Variants in CYP2J2 observed in about 807,000 individuals in gnomAD.
The protein encoded by CYP2J2 is cytochrome P450 family 2 subfamily J member 2.
CYP2J2 carries 41 observed loss-of-function variants against 48.8 expected under a neutral mutation model. That is an observed-to-expected ratio of 0.84 (90% CI 0.66 to 1.09). CYP2J2 has a LOEUF of 1.09. CYP2J2 is among the 50% of genes least tolerant of loss of function. The pLI is 0.00. For missense variants in CYP2J2, 644 were observed against 617.3 expected (o/e 1.04, Z -0.46); for synonymous variants, 221 against 227.1 (o/e 0.97, Z 0.24).
chr1:59,932,060 C>G, the CYP2J2 span, among the ~76,000 whole-genome samples: 2 of 152,032 alleles, frequency 1.3e-5, no homozygotes, highest in Non-Finnish European at 2.9e-5. Flanking sequence ...GTCATCATAA[C>G]TTTTATGTTT....
At chr1:59,939,022 G>A in the CYP2J2 span, among the ~76,000 whole-genome samples, 1 of 152,334 alleles carries the variant, frequency 6.6e-6, no homozygotes, top group South Asian at 2.1e-4. Context: ...CCAGGTTGGG[G>A]CAAAGAGATT....
intron 1 of CYP2J2, among the ~76,000 whole-genome samples, chr1:59,919,530 A>T (rs1405427393): frequency 6.6e-6 from 1 of 152,226 alleles, no homozygotes; most frequent in African/African-American, 2.4e-5. Context: ...ATGTTGTCTC[A>T]CTGTGTATGT....
intron 2 of CYP2J2, 138 bp from the exon 3 acceptor site, chr1:59,912,449 C>G (rs963361949): frequency 2.3e-6 from 2 of 853,438 alleles, no homozygotes; most frequent in East Asian, 5.0e-5. Flanking sequence ...GAAATAATCC[C>G]AAAGCAATGG....
intron 2 of CYP2J2, among the ~76,000 whole-genome samples, chr1:59,913,747 A>G (rs1644439510): frequency 6.6e-6 from 1 of 152,222 alleles, no homozygotes; most frequent in African/African-American, 2.4e-5. Context: ...CTAAAATGCT[A>G]CAAAAGTCCC....
rs1470857076 is a variant in CYP2J2 at position 59,915,808 on chromosome 1, T to G, written c.373+130A>C. 4 of 793,404 alleles carry G rather than the reference T, an allele frequency of 5.0e-6. No homozygotes were observed. The South Asian group carries it at 9.2e-5, about 18-fold the overall frequency. The allele number at this position is 793,404 out of a possible 1,614,324, so 49.1% of individuals were successfully genotyped here. The stretch of plus-strand genomic sequence containing the variant: ...AGGAAATGTGAATATCCAGCTTTCT[T>G]TAGTGGCAGGAAGTTTATTATGGGG... On this transcript the variant is annotated intron_variant, in intron 2 of 8. Coordinates refer to ENST00000371204, the MANE Select transcript of CYP2J2 (RefSeq NM_000775.4).
At chr1:59,953,767 T>C in the CYP2J2 span, among the ~76,000 whole-genome samples, 1 of 151,880 alleles carries the variant, frequency 6.6e-6, no homozygotes, top group Non-Finnish European at 1.5e-5. Context: ...TTCTGAAAAA[T>C]AGCAAGGAGA....
chr1:59,961,728 C>T, the CYP2J2 span, among the ~76,000 whole-genome samples: 1 of 152,060 alleles, frequency 6.6e-6, no homozygotes, highest in Non-Finnish European at 1.5e-5. Flanking sequence ...AATTATCCAT[C>T]CACTAATGTG....
the CYP2J2 span, among the ~76,000 whole-genome samples, chr1:59,934,989 G>GATATATATATATATATATATATATATAC: frequency 5.1e-5 from 3 of 58,390 alleles, no homozygotes; most frequent in Non-Finnish European, 6.9e-5. Context: ...AAGAAAATGG[G>GATATATATATATATATATATATATATAC]ATATATATAT....
the CYP2J2 span, among the ~76,000 whole-genome samples, chr1:59,935,040 A>ATATACATATATATATATATG: frequency 8.2e-6 from 1 of 121,424 alleles, no homozygotes; most frequent in African/African-American, 3.2e-5. Context: ...ATATATATAT[A>ATATACATATATATATATATG]TATATATATA....
chr1:59,940,369 T>C, the CYP2J2 span, among the ~76,000 whole-genome samples: 1 of 152,166 alleles, frequency 6.6e-6, no homozygotes, highest in South Asian at 2.1e-4. Context: ...AGTCATCTGG[T>C]AGCTAAGTCC....
the CYP2J2 span, among the ~76,000 whole-genome samples, chr1:59,935,015 C>CACAT: frequency 4.2e-5 from 2 of 47,496 alleles, no homozygotes; most frequent in African/African-American, 7.2e-5. Flanking sequence ...TATATATATA[C>CACAT]ATATATATAT....
Position 59,893,751 on chromosome 1 carries a change from G to A in CYP2J2, c.1409C>T (p.Thr470Ile), listed in dbSNP as rs759510111. The stretch of plus-strand genomic sequence containing the variant: ...CTTCTCATTGTTTGGGGGCCTGAAG[G>A]TAAATTTTTGCATAAGGGAAGTGAA... ...IFFTSLMQKF[T>I]FRPPNNEKLS... Residue 470 changes from threonine (T) to isoleucine (I), a missense_variant, in exon 9 of 9, where the codon ACC becomes ATC. Physicochemically the swap from Thr to Ile is moderately conservative, Grantham distance 89. Transcript: ENST00000371204. 1.1e-5 allele frequency: 17 copies of A among 1,613,184 alleles called. No homozygotes were observed. The highest frequency in any genetic ancestry group is 1.4e-5 in the Non-Finnish European group (17 of 1,179,656).
chr1:59,949,301 T>C, the CYP2J2 span, among the ~76,000 whole-genome samples: 7 of 152,208 alleles, frequency 4.6e-5, no homozygotes, highest in African/African-American at 1.4e-4. Context: ...TTTTCAAAAG[T>C]ATGGATATAA....
chr1:59,942,634 C>T, the CYP2J2 span, among the ~76,000 whole-genome samples: 2 of 151,658 alleles, frequency 1.3e-5, no homozygotes, highest in African/African-American at 4.8e-5. Context: ...AGATTGTGGA[C>T]TGTAGGTGTG....
chr1:59,906,352 G>A (rs185577655), intron 6 of CYP2J2, among the ~76,000 whole-genome samples: 10 of 152,062 alleles, frequency 6.6e-5, no homozygotes, highest in Admixed American at 2.0e-4. Flanking sequence ...TTGGTGAGCC[G>A]TCTTACAGAG....
intron 8 of CYP2J2, among the ~76,000 whole-genome samples, chr1:59,894,921 C>T (rs537842452): frequency 6.6e-6 from 1 of 152,266 alleles, no homozygotes; most frequent in East Asian, 1.9e-4. Context: ...TACTGTGATA[C>T]TTTCCATAAC....
At chr1:59,920,496 A>G (rs1574260747) in intron 1 of CYP2J2, among the ~76,000 whole-genome samples, 1 of 152,252 alleles carries the variant, frequency 6.6e-6, no homozygotes, top group East Asian at 1.9e-4. Flanking sequence ...AAAATATTTG[A>G]TGGGAGGAAG....
intron 1 of CYP2J2, among the ~76,000 whole-genome samples, chr1:59,922,864 C>T (rs1412281771): frequency 1.3e-5 from 2 of 152,264 alleles, no homozygotes; most frequent in South Asian, 4.2e-4. Flanking sequence ...ACATTTGACC[C>T]TTCCCAACTC....
the CYP2J2 span, among the ~76,000 whole-genome samples, chr1:59,967,831 A>G: frequency 1.3e-5 from 2 of 152,338 alleles, no homozygotes; most frequent in East Asian, 3.9e-4. Flanking sequence ...TTTTATTTAT[A>G]TTTCCTTAAA....
Sources: gnomAD v4.1 joint callset for allele counts (sites outside exome capture counted in the v4.1 genomes callset) on GRCh38, gnomAD v4.1.1 for gene constraint, MANE v1.5 for transcripts, NCBI Gene and HGNC (gene_info 2026-07-23, HGNC 2026-07-21) for gene names.